Variants in RBFOX1 observed in about 807,000 individuals in gnomAD.
RBFOX1 encodes RNA binding protein fox-1 homolog 1.
A neutral mutation model predicts 57.7 loss-of-function variants in RBFOX1; 8 were observed. The observed-to-expected ratio is 0.14, with a 90% CI of 0.08 to 0.25. RBFOX1 has a LOEUF of 0.25. Ranked by LOEUF, RBFOX1 falls within the 10% of genes least tolerant of loss-of-function variation. RBFOX1 has a pLI of 1.00. For synonymous variants in RBFOX1, 326 were observed against 222.4 expected, an observed-to-expected ratio of 1.47 and a Z score of -4.15; for missense variants, 611 against 548.5, an observed-to-expected ratio of 1.11 and a Z score of -1.14.
chr16:6,632,972 CAA>C lies in RBFOX1; in HGVS notation c.-63-21627_-63-21626del, dbSNP rs147761520. Among the ~76,000 whole-genome samples, 1,222 of 152,006 alleles carry C rather than the reference CAA, an allele frequency of 8.0e-3. 11 individuals carry two copies. Among genetic ancestry groups the C allele is most frequent in the African/African-American group, 0.028 (1,169 of 41,470 alleles). The stretch of plus-strand genomic sequence containing the variant: ...GTTGTTTGGGTTCTGGCAGAGGTTA[CAA>C]AAATAAATAAATAAATATAAAAAGG... On this transcript the variant is annotated intron_variant, in intron 2 of 15. Coordinates refer to ENST00000550418, the MANE Select transcript of RBFOX1 (RefSeq NM_018723.4).
intron 1 of RBFOX1, among the ~76,000 whole-genome samples, chr16:5,283,886 T>C (rs1295978126): frequency 1.3e-5 from 2 of 151,978 alleles, no homozygotes; most frequent in Non-Finnish European, 2.9e-5. Flanking sequence ...AAGGCATGAT[T>C]GGTTTTAAAA....
intron 2 of RBFOX1, among the ~76,000 whole-genome samples, chr16:6,482,910 G>A (rs1316049282): frequency 1.3e-5 from 2 of 152,210 alleles, no homozygotes; most frequent in African/African-American, 4.8e-5. Context: ...ACATTTGATT[G>A]CTCGTGAGTT....
intron 2 of RBFOX1, among the ~76,000 whole-genome samples, chr16:6,435,702 A>C (rs1026581541): frequency 6.6e-6 from 1 of 152,280 alleles, no homozygotes; most frequent in Admixed American, 6.5e-5. Context: ...GTTACCTATA[A>C]TCACTGCATC....
chr16:7,345,313 A>G lies in RBFOX1; in HGVS notation c.28-172834A>G, dbSNP rs2096975970. ...GTTTTGGCGAGCAGTGTAAACACTG[A>G]GGGGCCTGCTCTCGGGGAGGTTTTG... is the stretch of plus-strand genomic sequence containing the variant. On this transcript the variant is annotated intron_variant, in intron 4 of 15. Coordinates refer to ENST00000550418, the MANE Select transcript of RBFOX1 (RefSeq NM_018723.4). Among the ~76,000 whole-genome samples the G allele has an allele frequency of 3.9e-5, 6 of 151,954 alleles. 1 individual carries two copies. The South Asian group carries it at 1.3e-3, about 32-fold the overall frequency.
At chr16:6,311,068 G>A (rs531322865) in intron 1 of RBFOX1, among the ~76,000 whole-genome samples, 3 of 151,950 alleles carry the variant, frequency 2.0e-5, no homozygotes, top group Non-Finnish European at 4.4e-5. Context: ...AGGCCAAGGC[G>A]GGCAAATCAC....
chr16:7,209,275 C>T lies in RBFOX1; in HGVS notation c.27+157177C>T, dbSNP rs952934541. On this transcript the variant is annotated intron_variant, in intron 4 of 15. Transcript: ENST00000550418. ...ACTTGAACCCAAGAGGCAGAGGTTG[C>T]AGTGAGCTGATATCGTGCCATTGCA... Among the ~76,000 whole-genome samples, 5 of 152,008 alleles carry T rather than the reference C, an allele frequency of 3.3e-5. No individual in the cohort carries two copies. In the South Asian group the frequency reaches 8.3e-4, roughly 25 times the overall value.
rs192039177 is a variant in RBFOX1 at position 7,445,379 on chromosome 16, C to T, written c.28-72768C>T. 5.9e-5 allele frequency among the ~76,000 whole-genome samples: 9 copies of T among 152,298 alleles called. No individual in the cohort carries two copies. The East Asian group carries it at 1.7e-3, about 29-fold the overall frequency. On this transcript the variant is annotated intron_variant, in intron 4 of 15. Transcript: ENST00000550418. ...TGGAGGCCCATGGGTCTCCAGTACCCTTATGCACCAGCTCCATTTGAGGAA... is the reference window on the plus strand; with the variant it reads ...TGGAGGCCCATGGGTCTCCAGTACCTTTATGCACCAGCTCCATTTGAGGAA...
At chr16:5,790,757 T>C (rs2054663669) in intron 3 of RBFOX1, among the ~76,000 whole-genome samples, 1 of 152,140 alleles carries the variant, frequency 6.6e-6, no homozygotes, top group Non-Finnish European at 1.5e-5. Flanking sequence ...GTGCTCTGCA[T>C]CACTTCGTCT....
chr16:7,246,503 C>G (rs892488067), intron 4 of RBFOX1, among the ~76,000 whole-genome samples: 1 of 152,164 alleles, frequency 6.6e-6, no homozygotes, highest in Non-Finnish European at 1.5e-5. Context: ...TGGCCTCTCT[C>G]CAGTCTCTCC....
chr16:7,327,030 T>A (rs1159279477), intron 4 of RBFOX1, among the ~76,000 whole-genome samples: 1 of 152,176 alleles, frequency 6.6e-6, no homozygotes, highest in African/African-American at 2.4e-5. Flanking sequence ...GTGTGATCAC[T>A]ATTAAAAGAG....
At chr16:7,624,634 A>C (rs1241905574) in intron 10 of RBFOX1, among the ~76,000 whole-genome samples, 1 of 152,214 alleles carries the variant, frequency 6.6e-6, no homozygotes. Context: ...CTAGCTGAGC[A>C]CTAGAGGCAG....
intron 14 of RBFOX1, chr16:7,693,373 A>G (rs762387190): frequency 6.2e-7 from 1 of 1,608,724 alleles, no homozygotes; most frequent in East Asian, 2.2e-5. Flanking sequence ...TGCAGGTAAC[A>G]AACGTTGCTA....
intron 13 of RBFOX1, among the ~76,000 whole-genome samples, chr16:7,673,662 G>C (rs1208402634): frequency 6.6e-6 from 1 of 152,184 alleles, no homozygotes; most frequent in Non-Finnish European, 1.5e-5. Context: ...CCACATGAGT[G>C]GATCACTTTG....
At chr16:6,350,309 C>T (rs984032958) in intron 2 of RBFOX1, among the ~76,000 whole-genome samples, 4 of 151,534 alleles carry the variant, frequency 2.6e-5, no homozygotes, top group African/African-American at 7.3e-5. Context: ...GGTTGCGTTG[C>T]GCATGCCTGT....
Position 7,504,754 on chromosome 16 carries a change from TTTATATATATATATATTTA to T in RBFOX1, c.28-13391_28-13373del, listed in dbSNP as rs2072476915. ...ATATATATATATATATATATATATA[TTTATATATATATATATTTA>T]TATATATATATATTTATATATATAT... On this transcript the variant is annotated intron_variant, in intron 4 of 15. Transcript: ENST00000550418. Among the ~76,000 whole-genome samples the T allele has an allele frequency of 8.9e-4, 5 of 5,642 alleles. 1 individual carries two copies. Among genetic ancestry groups the T allele is most frequent in the East Asian group, 1.7e-3 (1 of 582 alleles). 3.7% of individuals were successfully genotyped at this position (5,642 alleles called of 152,430 possible).
intron 2 of RBFOX1, among the ~76,000 whole-genome samples, chr16:6,376,081 C>A (rs1389237055): frequency 6.6e-6 from 1 of 152,116 alleles, no homozygotes; most frequent in African/African-American, 2.4e-5. Flanking sequence ...AACCAAGCCC[C>A]CATCCATGAT....
intron 4 of RBFOX1, among the ~76,000 whole-genome samples, chr16:7,240,556 T>G (rs564091513): frequency 3.3e-5 from 5 of 152,078 alleles, no homozygotes; most frequent in African/African-American, 1.2e-4. Flanking sequence ...GTTTGTTTGT[T>G]TTTGTTTGTT....
intron 4 of RBFOX1, among the ~76,000 whole-genome samples, chr16:7,480,812 G>C (rs1464699725): frequency 6.6e-6 from 1 of 152,156 alleles, no homozygotes; most frequent in Non-Finnish European, 1.5e-5. Context: ...GGCACTTATG[G>C]AGGAAGCAGA....
intron 1 of RBFOX1, among the ~76,000 whole-genome samples, chr16:5,305,829 G>T (rs577107653): frequency 1.2e-4 from 19 of 152,152 alleles, no homozygotes; most frequent in Non-Finnish European, 2.4e-4. Context: ...AGGCCTAGGT[G>T]GGGGGATTGC....
Sources: gnomAD v4.1 joint callset for allele counts (sites outside exome capture counted in the v4.1 genomes callset) on GRCh38, gnomAD v4.1.1 for gene constraint, MANE v1.5 for transcripts, NCBI Gene and HGNC (gene_info 2026-07-23, HGNC 2026-07-21) for gene names.